The following MTAP variants were observed in gnomAD, a reference collection of about 807,000 sequenced individuals.
The protein encoded by MTAP is methylthioadenosine phosphorylase, also known as S-methyl-5'-thioadenosine phosphorylase.
In MTAP, 33 loss-of-function variants were observed where a neutral mutation model predicts 33.6. The observed-to-expected ratio is 0.98, with a 90% confidence interval of 0.74 to 1.31. MTAP has a LOEUF of 1.31. Ranked by LOEUF, MTAP falls within the 40% of genes most tolerant of loss-of-function variation. The probability of loss-of-function intolerance (pLI) is 0.00; values close to 1 mark genes in which losing one functional copy is unlikely to be tolerated. For synonymous variants in MTAP, 148 were observed against 125.7 expected (o/e 1.18, Z -1.19); for missense variants, 367 against 360.0 (o/e 1.02, Z -0.16).
intron 6 of MTAP, 82 bp downstream of exon 6, chr9:21,854,952 G>T (rs920179681): frequency 6.6e-7 from 1 of 1,518,316 alleles, no homozygotes. Context: ...TTTCTATTAC[G>T]TTAGTTTCAG....
rs1824555418 is a variant in MTAP at position 21,818,874 on chromosome 9, A to G, written c.347+672A>G. On this transcript the variant is annotated intron_variant, in intron 4 of 7. Transcript: ENST00000644715. ...CCATGCAGTATAATCTCAAAAACTTATTCCTCCTGTCTAACTGAAATTTTG... is the reference window on the plus strand; with the variant it reads ...CCATGCAGTATAATCTCAAAAACTTGTTCCTCCTGTCTAACTGAAATTTTG... Among the ~76,000 whole-genome samples, 12 of 152,214 alleles carry G rather than the reference A, an allele frequency of 7.9e-5. 1 individual carries two copies. In the South Asian group the frequency reaches 2.5e-3, roughly 32 times the overall value.
rs373103368 is a variant in MTAP at position 21,886,433 on chromosome 9, T to G, written c.147+31563T>G. Among the ~76,000 whole-genome samples the G allele has an allele frequency of 4.6e-5, 7 of 152,310 alleles. No individual in the cohort carries two copies. In the East Asian group the frequency reaches 1.4e-3, roughly 29 times the overall value. Reference sequence around the variant, plus strand: ...TTACTCTGCTGATTATTTCTTTTGCTGTGCGGAACCTTTTTTATTTTGTTA... The same window carrying G: ...TTACTCTGCTGATTATTTCTTTTGCGGTGCGGAACCTTTTTTATTTTGTTA... On this transcript the variant is annotated intron_variant, in intron 1 of 1. Coordinates refer to the MTAP transcript ENST00000577563.
chr9:21,829,434 G>A (rs1172510552), intron 4 of MTAP, among the ~76,000 whole-genome samples: 9 of 144,936 alleles, frequency 6.2e-5, no homozygotes, highest in Admixed American at 6.2e-4. Context: ...TTTTTTGTTT[G>A]TTTGTTTTTT....
At chr9:21,816,291 C>T (rs1329691760) in intron 2 of MTAP, among the ~76,000 whole-genome samples, 1 of 152,200 alleles carries the variant, frequency 6.6e-6, no homozygotes, top group African/African-American at 2.4e-5. Flanking sequence ...CCATGATCAT[C>T]TTAGACCTGG....
downstream of MTAP, among the ~76,000 whole-genome samples, chr9:21,940,310 A>T (rs915454041): frequency 6.6e-6 from 1 of 152,242 alleles, no homozygotes; most frequent in Non-Finnish European, 1.5e-5. Context: ...CACTATTCTT[A>T]CTATACTTAT....
At chr9:21,808,811 T>G (rs1261357601) in intron 1 of MTAP, 2 of 152,166 alleles carry the variant, frequency 1.3e-5, no homozygotes, top group African/African-American at 4.8e-5. Context: ...TCTCAGGTAT[T>G]CTGTTATAGC....
intron 2 of MTAP, 139 bp from the exon 3 acceptor site, chr9:21,816,575 A>C: frequency 1.5e-6 from 1 of 675,062 alleles, no homozygotes. Context: ...GATTATATTG[A>C]TAATCAGATC....
At chr9:21,823,225 G>A (rs1344050051) in intron 4 of MTAP, among the ~76,000 whole-genome samples, 8 of 152,130 alleles carry the variant, frequency 5.3e-5, no homozygotes, top group African/African-American at 1.9e-4. Context: ...TCCTAGCATC[G>A]ATGGTCTTTA....
At chr9:21,915,433 GT>G (rs1358963152) in intron 1 of MTAP, among the ~76,000 whole-genome samples, 2 of 151,898 alleles carry the variant, frequency 1.3e-5, no homozygotes, top group Non-Finnish European at 2.9e-5. Context: ...TCATTTTATG[GT>G]TATACCGCAT....
chr9:21,811,786 A>G (rs541766013), intron 1 of MTAP: 2 of 526,766 alleles, frequency 3.8e-6, no homozygotes, highest in East Asian at 5.5e-5. Context: ...CTTTGCACCG[A>G]AGTATACCTG....
At chr9:21,822,648 G>T (rs1315098288) in intron 4 of MTAP, among the ~76,000 whole-genome samples, 2 of 152,146 alleles carry the variant, frequency 1.3e-5, no homozygotes, top group African/African-American at 4.8e-5. Context: ...TGTTAGGTCC[G>T]CTTGGTGCAG....
chr9:21,815,323 G>C, intron 1 of MTAP, 110 bp from the exon 2 acceptor site: 2 of 659,136 alleles, frequency 3.0e-6, no homozygotes, highest in South Asian at 4.9e-5. Context: ...AAAATAACTA[G>C]GGCTTGGCAG....
At chr9:21,810,023 T>A (rs1824306091) in intron 1 of MTAP, among the ~76,000 whole-genome samples, 1 of 152,218 alleles carries the variant, frequency 6.6e-6, no homozygotes, top group South Asian at 2.1e-4. Flanking sequence ...AAACCATGGA[T>A]GTTTTGAGCG....
chr9:21,886,173 G>A (rs1252034286), intron 1 of MTAP, among the ~76,000 whole-genome samples: 11 of 150,396 alleles, frequency 7.3e-5, no homozygotes, highest in African/African-American at 9.8e-5. Flanking sequence ...GTCGTATCAC[G>A]TTGTGGTTTT....
chr9:21,850,438 G>A (rs991522569), intron 5 of MTAP, among the ~76,000 whole-genome samples: 1 of 152,196 alleles, frequency 6.6e-6, no homozygotes, highest in African/African-American at 2.4e-5. Context: ...CCAATTTTGA[G>A]TGGGTCCAGA....
At chr9:21,917,362 T>C (rs1474105101) in intron 1 of MTAP, among the ~76,000 whole-genome samples, 2 of 152,138 alleles carry the variant, frequency 1.3e-5, no homozygotes, top group Non-Finnish European at 2.9e-5. Flanking sequence ...CACTAAGGAA[T>C]GCAGAGCAGA....
intron 1 of MTAP, among the ~76,000 whole-genome samples, chr9:21,928,839 T>A (rs1818909155): frequency 6.6e-6 from 1 of 151,892 alleles, no homozygotes; most frequent in Non-Finnish European, 1.5e-5. Flanking sequence ...TAAGCCCCTT[T>A]GAGATCTTAT....
intron 4 of MTAP, among the ~76,000 whole-genome samples, chr9:21,832,028 T>C (rs1168828065): frequency 6.6e-6 from 1 of 152,230 alleles, no homozygotes; most frequent in African/African-American, 2.4e-5. Flanking sequence ...TGTCACTTAG[T>C]GTCCTCATCT....
chr9:21,820,840 C>A (rs914584443), intron 4 of MTAP, among the ~76,000 whole-genome samples: 1 of 152,186 alleles, frequency 6.6e-6, no homozygotes, highest in African/African-American at 2.4e-5. Flanking sequence ...AGGTCCTTCA[C>A]AACCCTTGTA....
Sources: gnomAD v4.1 joint callset for allele counts (sites outside exome capture counted in the v4.1 genomes callset) on GRCh38, gnomAD v4.1.1 for gene constraint, MANE v1.5 for transcripts, NCBI Gene and HGNC (gene_info 2026-07-23, HGNC 2026-07-21) for gene names.